TRDN: variants seen among roughly 807,000 people sequenced by gnomAD.
TRDN encodes triadin in skeletal muscle.
In TRDN, 161 loss-of-function variants were observed where a neutral mutation model predicts 149.7. The ratio of observed to expected loss-of-function variants is 1.08; its 90% confidence interval spans 0.95 to 1.23. The LOEUF (loss-of-function observed/expected upper bound fraction) is 1.23. Among genes scored for constraint, TRDN ranks in the 50% most tolerant of loss-of-function variants. The probability of loss-of-function intolerance (pLI) is 0.00; values close to 1 mark genes in which losing one functional copy is unlikely to be tolerated. For missense variants in TRDN, 896 were observed against 823.5 expected (o/e 1.09, Z -1.08); for synonymous variants, 294 against 250.5 (o/e 1.17, Z -1.64).
intron 1 of TRDN, among the ~76,000 whole-genome samples, chr6:123,625,353 T>C (rs1785602376): frequency 6.6e-6 from 1 of 150,480 alleles, no homozygotes; most frequent in Non-Finnish European, 1.5e-5. Flanking sequence ...AATCACACAT[T>C]TTTTTTTCTG....
intron 1 of TRDN, among the ~76,000 whole-genome samples, chr6:123,582,665 ACCCG>A (rs1783189713): frequency 6.6e-6 from 1 of 151,816 alleles, no homozygotes. Context: ...TAAGGCAGGA[ACCCG>A]CGATCTGGAT....
At chr6:123,635,168 CAAG>C (rs1402173491) in intron 1 of TRDN, among the ~76,000 whole-genome samples, 1 of 151,994 alleles carries the variant, frequency 6.6e-6, no homozygotes, top group East Asian at 1.9e-4. Context: ...CAGAGCTAAA[CAAG>C]AAGTTTTTAT....
chr6:123,436,726 T>C (rs1774580434), intron 12 of TRDN, among the ~76,000 whole-genome samples: 1 of 152,106 alleles, frequency 6.6e-6, no homozygotes, highest in Admixed American at 6.5e-5. Flanking sequence ...ATCTTCTTCG[T>C]TTAAGCTTAC....
At chr6:123,278,091 C>T (rs1298151544) in intron 26 of TRDN, among the ~76,000 whole-genome samples, 1 of 152,120 alleles carries the variant, frequency 6.6e-6, no homozygotes, top group Non-Finnish European at 1.5e-5. Flanking sequence ...TACTTAGTTA[C>T]TTCTTCTGAA....
Position 123,501,791 on chromosome 6 carries a change from CTT to C in TRDN, c.793+1926_793+1927del, listed in dbSNP as rs796953748. The C allele has an allele frequency of 6.2e-4, 517 of 840,638 alleles. 2 individuals are homozygous for C. In the African/African-American group the frequency reaches 8.6e-3, roughly 14 times the overall value. The allele number at this position is 840,638 out of a possible 1,614,324, so 52.1% of individuals were successfully genotyped here. A position where few individuals can be genotyped will look rare whatever the true frequency, so the allele number is the denominator to read the frequency against. ...ATGTCCTTTTAATAGATAAATAACT[CTT>C]TGTGTAGAAATAAAAATAGTAGACT... On this transcript the variant is annotated intron_variant, in intron 8 of 40. Transcript: ENST00000334268.
intron 5 of TRDN, among the ~76,000 whole-genome samples, chr6:123,520,300 G>T (rs1315700587): frequency 6.6e-6 from 1 of 152,110 alleles, no homozygotes; most frequent in Non-Finnish European, 1.5e-5. Context: ...TTTCAGAGCT[G>T]ATAGGAATAT....
intron 8 of TRDN, chr6:123,498,121 A>G (rs1035127002): frequency 6.1e-6 from 1 of 163,802 alleles, no homozygotes; most frequent in African/African-American, 2.4e-5. Flanking sequence ...CATACATATT[A>G]TGAAATAATT....
chr6:123,471,674 AT>A (rs1407525185), intron 9 of TRDN: 1 of 152,158 alleles, frequency 6.6e-6, no homozygotes, highest in East Asian at 1.9e-4. Flanking sequence ...GTTATTACAT[AT>A]TTTCGTATTC....
At chr6:123,229,712 T>C (rs1476709852) in intron 38 of TRDN, among the ~76,000 whole-genome samples, 1 of 151,932 alleles carries the variant, frequency 6.6e-6, no homozygotes, top group Non-Finnish European at 1.5e-5. Flanking sequence ...TTTAGGAGAC[T>C]GCGTGTGTAT....
rs147827978 is a variant in TRDN, at chr6:123,617,310, G to A, written c.22+19444C>T. 1.6e-4 allele frequency among the ~76,000 whole-genome samples: 24 copies of A among 152,250 alleles called. No homozygotes were observed. In the South Asian group the frequency reaches 2.9e-3, roughly 18 times the overall value. On this transcript the variant is annotated intron_variant, in intron 1 of 40. Coordinates refer to ENST00000334268, the MANE Select transcript of TRDN (RefSeq NM_006073.4). ...AATATGTATTATATATTGCATGTAG[G>A]TGGCTGAATATATATACAAACACCA...
At position 123,409,997 on chromosome 6, in the gene TRDN, C is replaced by A. The variant is rs1055416400; in HGVS notation, c.1052-16320G>T. On this transcript the variant is annotated intron_variant, in intron 12 of 40. Coordinates refer to ENST00000334268, the MANE Select transcript of TRDN (RefSeq NM_006073.4). ...TGGATGGACTTTTATATGGATGGAGCAAAGGGCGATGAAAGAGTTATCAAG... is the reference window on the plus strand; with the variant it reads ...TGGATGGACTTTTATATGGATGGAGAAAAGGGCGATGAAAGAGTTATCAAG... Among the ~76,000 whole-genome samples, 4 of 151,958 alleles carry A rather than the reference C, an allele frequency of 2.6e-5. No individual in the cohort carries two copies. In the East Asian group the frequency reaches 5.8e-4, roughly 22 times the overall value.
chr6:123,327,335 A>C (rs72974647), intron 23 of TRDN, among the ~76,000 whole-genome samples: 1 of 151,954 alleles, frequency 6.6e-6, no homozygotes, highest in Non-Finnish European at 1.5e-5. Context: ...TTCAAAAAAT[A>C]TTTTCTTATT....
intron 1 of TRDN, among the ~76,000 whole-genome samples, chr6:123,632,245 C>T (rs1201325155): frequency 6.6e-6 from 1 of 151,656 alleles, no homozygotes; most frequent in East Asian, 1.9e-4. Context: ...TTGGCATATT[C>T]CTCATCCCTC....
rs118103105 is a variant in TRDN, at chr6:123,570,069, G to C, written c.232+854C>G. ...TAAAATTCCATAATGAGAAATAGGAGAACCCTGAATATGTAGAATGCAATT... is the reference window on the plus strand; with the variant it reads ...TAAAATTCCATAATGAGAAATAGGACAACCCTGAATATGTAGAATGCAATT... On this transcript the variant is annotated intron_variant, in intron 2 of 40. Coordinates refer to ENST00000334268, the MANE Select transcript of TRDN (RefSeq NM_006073.4). Among the ~76,000 whole-genome samples the C allele has an allele frequency of 6.6e-5, 10 of 152,238 alleles. No homozygotes were observed. The East Asian group carries it at 1.2e-3, about 18-fold the overall frequency.
intron 8 of TRDN, chr6:123,502,898 A>G (rs1778758963): frequency 1.0e-6 from 1 of 985,342 alleles, no homozygotes; most frequent in Non-Finnish European, 1.2e-6. Context: ...AACTGGAGTC[A>G]GGAATGGACT....
chr6:123,376,088 A>T (rs1418344886), intron 18 of TRDN, among the ~76,000 whole-genome samples: 2 of 152,190 alleles, frequency 1.3e-5, no homozygotes, highest in East Asian at 3.9e-4. Flanking sequence ...TGAAAAAAAT[A>T]GATAATAATT....
intron 38 of TRDN, among the ~76,000 whole-genome samples, chr6:123,232,871 T>A (rs1257085982): frequency 6.6e-6 from 1 of 152,014 alleles, no homozygotes; most frequent in Admixed American, 6.6e-5. Flanking sequence ...GCAAACACTA[T>A]AAATAAATCA....
rs1402669896 is a variant in TRDN at position 123,216,437 on chromosome 6, G to T, written c.*2164C>A. On this transcript the variant is annotated 3_prime_UTR_variant, in exon 41 of 41. Coordinates refer to ENST00000334268, the MANE Select transcript of TRDN (RefSeq NM_006073.4). ...GCTATGATCATTGTAACTTTAATCA[G>T]ATAAAACGTAATTATTATTAACATT... 3.3e-5 allele frequency: 5 copies of T among 151,790 alleles called. No homozygotes were observed. The allele number at this position is 151,790 out of a possible 1,614,324, so 9.4% of individuals were successfully genotyped here. A position where few individuals can be genotyped will look rare whatever the true frequency, so the allele number is the denominator to read the frequency against.
At chr6:123,599,386 T>C (rs1476414916) in intron 1 of TRDN, among the ~76,000 whole-genome samples, 1 of 152,068 alleles carries the variant, frequency 6.6e-6, no homozygotes, top group Non-Finnish European at 1.5e-5. Flanking sequence ...GATGCTAAAC[T>C]CATTCATAAC....
Sources: gnomAD v4.1 joint callset for allele counts (sites outside exome capture counted in the v4.1 genomes callset) on GRCh38, gnomAD v4.1.1 for gene constraint, MANE v1.5 for transcripts, NCBI Gene and HGNC (gene_info 2026-07-23, HGNC 2026-07-21) for gene names.